Variants in LRP1B observed in about 807,000 individuals in gnomAD.
The protein encoded by LRP1B is LDL receptor related protein 1B, also known as low-density lipoprotein receptor-related protein 1B.
LRP1B carries 217 observed loss-of-function variants against 556.6 expected under a neutral mutation model. The ratio of observed to expected loss-of-function variants is 0.39; its 90% CI spans 0.35 to 0.44. The LOEUF (loss-of-function observed/expected upper bound fraction) is 0.44. Ranked by LOEUF, LRP1B falls within the 20% of genes least tolerant of loss-of-function variation. The probability of loss-of-function intolerance (pLI) is 1.00; values close to 1 mark genes in which losing one functional copy is unlikely to be tolerated. For missense variants in LRP1B, 5,053 were observed against 5,620.8 expected (o/e 0.90, Z 3.23); for synonymous variants, 2,047 against 1,865.8 (o/e 1.10, Z -2.50).
chr2:141,799,570 T>C (rs1293338183), intron 2 of LRP1B, among the ~76,000 whole-genome samples: 1 of 152,090 alleles, frequency 6.6e-6, no homozygotes, highest in Non-Finnish European at 1.5e-5. Flanking sequence ...AGGCTGATTC[T>C]TCCTCACACC....
At chr2:141,752,058 A>T (rs528554422) in intron 2 of LRP1B, among the ~76,000 whole-genome samples, 20 of 152,110 alleles carry the variant, frequency 1.3e-4, no homozygotes, top group South Asian at 6.2e-4. Context: ...CCCAATATAC[A>T]TTAATCACAG....
At chr2:141,965,639 T>G (rs1453741414) in intron 1 of LRP1B, among the ~76,000 whole-genome samples, 1 of 130,694 alleles carries the variant, frequency 7.7e-6, no homozygotes, top group Non-Finnish European at 1.6e-5. Context: ...GAGATATACC[T>G]AATGCTAGAT....
intron 7 of LRP1B, among the ~76,000 whole-genome samples, chr2:141,175,991 C>T (rs1400674332): frequency 3.3e-5 from 5 of 152,076 alleles, no homozygotes; most frequent in African/African-American, 9.7e-5. Flanking sequence ...GTTTCTAACT[C>T]GTATGGGGCC....
At position 140,512,990 on chromosome 2, in the gene LRP1B, T is replaced by C. The variant is rs74483479; in HGVS notation, c.8269+1663A>G. Reference sequence around the variant, plus strand: ...AACGTAAATAAGCTCAGTATTTTGATTGCAGGTAAACATGTCCATTTTCTT... The same window carrying C: ...AACGTAAATAAGCTCAGTATTTTGACTGCAGGTAAACATGTCCATTTTCTT... On this transcript the variant is annotated intron_variant, in intron 51 of 90. Transcript: ENST00000389484. Among the ~76,000 whole-genome samples, 1,003 of 152,234 alleles carry C rather than the reference T, an allele frequency of 6.6e-3. 15 individuals are homozygous for C. Among genetic ancestry groups the C allele is most frequent in the African/African-American group, 0.023 (966 of 41,564 alleles).
At chr2:141,545,580 C>T (rs1264298702) in intron 2 of LRP1B, among the ~76,000 whole-genome samples, 9 of 152,208 alleles carry the variant, frequency 5.9e-5, no homozygotes, top group Admixed American at 5.2e-4. Context: ...CATGGAGGCT[C>T]ATGAATGTAA....
chr2:141,780,733 G>C (rs554722406), intron 2 of LRP1B, among the ~76,000 whole-genome samples: 2 of 152,132 alleles, frequency 1.3e-5, no homozygotes, highest in African/African-American at 4.8e-5. Context: ...TTATCATTCT[G>C]TGAACTATAT....
chr2:140,464,106 G>A (rs949195538), intron 60 of LRP1B, among the ~76,000 whole-genome samples: 2 of 152,086 alleles, frequency 1.3e-5, no homozygotes, highest in African/African-American at 4.8e-5. Flanking sequence ...TGGGGCAGAA[G>A]AATCGCTTGA....
At chr2:141,181,363 T>C (rs187799884) in intron 7 of LRP1B, among the ~76,000 whole-genome samples, 111 of 152,046 alleles carry the variant, frequency 7.3e-4, no homozygotes, top group African/African-American at 2.5e-3. Flanking sequence ...GTAACCGAAC[T>C]ATATGTAGTT....
intron 3 of LRP1B, among the ~76,000 whole-genome samples, chr2:141,286,314 A>C (rs1365185700): frequency 6.6e-6 from 1 of 152,080 alleles, no homozygotes; most frequent in South Asian, 2.1e-4. Flanking sequence ...ACTTTTTTTT[A>C]TTATAATGTG....
rs559427252 is a variant in LRP1B, at chr2:140,504,668, AT to A, written c.8522-1566del. ...ACAAAATTAACCCTTAACCTCTTGT[AT>A]CCCAACATTCATTAACAGCAGCACC... On this transcript the variant is annotated intron_variant, in intron 53 of 90. Transcript: ENST00000389484. Among the ~76,000 whole-genome samples the A allele has an allele frequency of 1.8e-3, 277 of 152,284 alleles. 1 individual carries two copies. The highest frequency in any genetic ancestry group is 6.3e-3 in the African/African-American group (262 of 41,566).
At chr2:141,690,472 G>C (rs1004170295) in intron 2 of LRP1B, among the ~76,000 whole-genome samples, 6 of 134,510 alleles carry the variant, frequency 4.5e-5, no homozygotes, top group African/African-American at 1.6e-4. Context: ...AGTCATGGAG[G>C]ACTCTTTCTT....
intron 17 of LRP1B, among the ~76,000 whole-genome samples, chr2:140,988,271 G>C (rs553093850): frequency 1.3e-5 from 2 of 152,108 alleles, no homozygotes; most frequent in African/African-American, 2.4e-5. Flanking sequence ...ATGGTCTCTG[G>C]AGGTCCTTTT....
chr2:140,536,209 G>T (rs922393387), intron 46 of LRP1B, among the ~76,000 whole-genome samples: 1 of 149,092 alleles, frequency 6.7e-6, no homozygotes, highest in East Asian at 2.0e-4. Context: ...TCACATTCAC[G>T]GAGTGCTGTT....
chr2:140,825,290 C>G (rs147961059), intron 31 of LRP1B, among the ~76,000 whole-genome samples: 78 of 152,230 alleles, frequency 5.1e-4, no homozygotes, highest in African/African-American at 1.8e-3. Flanking sequence ...GGGAGAATAT[C>G]AAAGAAGGGA....
At chr2:141,883,450 A>G in intron 1 of LRP1B, among the ~76,000 whole-genome samples, 1 of 152,204 alleles carries the variant, frequency 6.6e-6, no homozygotes. Flanking sequence ...ATTACCTTTT[A>G]AAAAGGAAAT....
At chr2:141,413,514 C>T (rs778825674) in intron 3 of LRP1B, among the ~76,000 whole-genome samples, 1 of 152,134 alleles carries the variant, frequency 6.6e-6, no homozygotes, top group Non-Finnish European at 1.5e-5. Flanking sequence ...CCATCATAAT[C>T]CTGGGAGACT....
At chr2:141,546,115 C>A (rs1054428936) in intron 2 of LRP1B, among the ~76,000 whole-genome samples, 5 of 152,110 alleles carry the variant, frequency 3.3e-5, no homozygotes, top group African/African-American at 1.2e-4. Flanking sequence ...CTACTCCACA[C>A]TGACCTTGAC....
At chr2:141,591,861 C>T (rs749063969) in intron 2 of LRP1B, among the ~76,000 whole-genome samples, 2 of 152,256 alleles carry the variant, frequency 1.3e-5, no homozygotes, top group South Asian at 4.1e-4. Context: ...GCCAGCTCTA[C>T]ACCAGTTCCA....
chr2:141,068,289 G>A (rs1035819107), intron 7 of LRP1B, among the ~76,000 whole-genome samples: 2 of 151,936 alleles, frequency 1.3e-5, no homozygotes, highest in African/African-American at 4.8e-5. Context: ...ACTAGGCAAA[G>A]AAAGAGAAAG....
Sources: allele counts gnomAD v4.1 joint callset (sites outside exome capture counted in the v4.1 genomes callset), GRCh38; gene constraint gnomAD v4.1.1; transcripts MANE v1.5; gene names NCBI Gene and HGNC (gene_info 2026-07-23, HGNC 2026-07-21).